ZPBP: variants seen among roughly 807,000 people sequenced by gnomAD.
ZPBP encodes zona pellucida-binding protein 1.
Under a neutral mutation model 44.8 loss-of-function variants are expected in ZPBP, and 26 were observed. The observed-to-expected ratio is 0.58, with a 90% CI of 0.43 to 0.81. The LOEUF is 0.81. Ranked by LOEUF, ZPBP falls within the 30% of genes least tolerant of loss-of-function variation. The pLI, the probability that ZPBP is intolerant of heterozygous loss-of-function variation, is 0.00. For synonymous variants in ZPBP, 174 were observed against 153.2 expected (o/e 1.14, Z -1.00); for missense variants, 409 against 434.0 (o/e 0.94, Z 0.51).
intron 6 of ZPBP, among the ~76,000 whole-genome samples, chr7:49,993,764 T>TA (rs1228996358): frequency 2.0e-5 from 3 of 152,168 alleles, no homozygotes; most frequent in African/African-American, 7.2e-5. Flanking sequence ...GCCACAGTCA[T>TA]ACAAGGCTTA....
chr7:49,892,647 G>A (rs138681239), intron 2 of ZPBP, among the ~76,000 whole-genome samples: 1 of 152,304 alleles, frequency 6.6e-6, no homozygotes, highest in African/African-American at 2.4e-5. Flanking sequence ...CAGCTGGGTG[G>A]GAAGGCCTAT....
At position 49,906,571 on chromosome 7, in the gene ZPBP, C is replaced by T. The variant is rs183954288; in HGVS notation, n.412-5356G>A. On this transcript the variant is annotated intron_variant and non_coding_transcript_variant, in intron 1 of 2. Transcript: ENST00000465922. The stretch of plus-strand genomic sequence containing the variant: ...CAGGATGGTCTTGATCTCCTGACCT[C>T]GTGATCCACCCACCTTGGCCTCACA... Among the ~76,000 whole-genome samples, 578 of 152,292 alleles carry T rather than the reference C, an allele frequency of 3.8e-3. 2 individuals are homozygous for T. The highest frequency in any genetic ancestry group is 6.2e-3 in the Non-Finnish European group (424 of 68,032).
At chr7:50,026,944 T>C (rs1336765761) in intron 5 of ZPBP, among the ~76,000 whole-genome samples, 1 of 151,984 alleles carries the variant, frequency 6.6e-6, no homozygotes, top group Non-Finnish European at 1.5e-5. Context: ...ACAAATTCTT[T>C]GTGTTTTATA....
intron 7 of ZPBP, among the ~76,000 whole-genome samples, chr7:49,954,719 G>A (rs992004354): frequency 2.6e-5 from 4 of 152,110 alleles, no homozygotes; most frequent in African/African-American, 9.7e-5. Context: ...TAGTTACTGA[G>A]TTTCAAATAT....
At chr7:50,089,326 T>C (rs1269374448) in intron 2 of ZPBP, among the ~76,000 whole-genome samples, 1 of 152,120 alleles carries the variant, frequency 6.6e-6, no homozygotes, top group Admixed American at 6.5e-5. Flanking sequence ...TGATTTGTAT[T>C]ACCATATTTG....
At chr7:49,981,363 ATAATTATAT>A in intron 7 of ZPBP, among the ~76,000 whole-genome samples, 1 of 21,400 alleles carries the variant, frequency 4.7e-5, no homozygotes, top group African/African-American at 2.2e-4. Context: ...TATATTATAT[ATAATTATAT>A]ATATTATATA....
chr7:50,078,380 ATAACT>A (rs1802203899), intron 3 of ZPBP, among the ~76,000 whole-genome samples: 1 of 151,626 alleles, frequency 6.6e-6, no homozygotes, highest in Non-Finnish European at 1.5e-5. Flanking sequence ...ATATATTAAA[ATAACT>A]TAAAGAATGT....
At chr7:50,022,657 T>G (rs1172901716) in intron 5 of ZPBP, among the ~76,000 whole-genome samples, 1 of 152,096 alleles carries the variant, frequency 6.6e-6, no homozygotes, top group East Asian at 1.9e-4. Context: ...CTACGGAACT[T>G]GTCAGTTGTC....
intron 1 of ZPBP, among the ~76,000 whole-genome samples, chr7:49,906,550 A>G (rs529423424): frequency 6.6e-6 from 1 of 152,252 alleles, no homozygotes; most frequent in South Asian, 2.1e-4. Flanking sequence ...GTTAGCCAGG[A>G]TGGTCTTGAT....
At chr7:50,008,368 ATACTT>A (rs1798410705) in intron 6 of ZPBP, among the ~76,000 whole-genome samples, 1 of 152,118 alleles carries the variant, frequency 6.6e-6, no homozygotes, top group Non-Finnish European at 1.5e-5. Context: ...TTGCTGAAAA[ATACTT>A]AAAATGATAC....
At chr7:50,025,805 G>T (rs1004159997) in intron 5 of ZPBP, among the ~76,000 whole-genome samples, 2 of 151,688 alleles carry the variant, frequency 1.3e-5, no homozygotes, top group African/African-American at 4.8e-5. Context: ...TCTAAAAATA[G>T]TCAATGTAAA....
intron 7 of ZPBP, among the ~76,000 whole-genome samples, chr7:49,960,686 G>A (rs368556224): frequency 6.6e-6 from 1 of 152,200 alleles, no homozygotes; most frequent in Admixed American, 6.5e-5. Flanking sequence ...AAATGGGAAA[G>A]ATAGTCGAAC....
rs370679624 is a variant in ZPBP at position 49,905,996 on chromosome 7, G to C, written n.412-4781C>G. Among the ~76,000 whole-genome samples, 233 of 151,952 alleles carry C rather than the reference G, an allele frequency of 1.5e-3. 3 individuals carry two copies. Among genetic ancestry groups the C allele is most frequent in the African/African-American group, 5.4e-3 (223 of 41,442 alleles). On this transcript the variant is annotated intron_variant and non_coding_transcript_variant, in intron 1 of 2. Transcript: ENST00000465922. ...AAAGGGGAGGAACCCTCAGTTCTGT[G>C]AATTGCCCACCCTTTCCCAGAAAAC...
rs1798248861 is a variant in ZPBP, at chr7:50,005,134, T to G, written c.783+13106A>C. ...AGATAGTAGGATGATATATTTCAAG[T>G]GCTAAAAAAATTTTAAATGCTGTCA... On this transcript the variant is annotated intron_variant, in intron 6 of 7. Coordinates refer to ENST00000046087, the MANE Select transcript of ZPBP (RefSeq NM_007009.3). 3.3e-5 allele frequency among the ~76,000 whole-genome samples: 5 copies of G among 151,430 alleles called. No individual in the cohort carries two copies. The South Asian group carries it at 6.2e-4, about 19-fold the overall frequency.
At chr7:50,042,384 G>A (rs749164948) in intron 4 of ZPBP, among the ~76,000 whole-genome samples, 4 of 152,084 alleles carry the variant, frequency 2.6e-5, no homozygotes, top group Non-Finnish European at 4.4e-5. Flanking sequence ...CAGACTCACC[G>A]AAGGTTGAAA....
At chr7:50,065,491 T>G (rs1463665143) in intron 3 of ZPBP, among the ~76,000 whole-genome samples, 1 of 151,106 alleles carries the variant, frequency 6.6e-6, no homozygotes, top group Non-Finnish European at 1.5e-5. Context: ...CTACTGCTTC[T>G]GTGAAAGCCT....
At chr7:49,933,421 C>T (rs1385983466), downstream of ZPBP, among the ~76,000 whole-genome samples, 1 of 152,082 alleles carries the variant, frequency 6.6e-6, no homozygotes, top group Non-Finnish European at 1.5e-5. Context: ...TTTGACAGAA[C>T]TAAGAAATAG....
In ZPBP at chr7:50,031,090, A is replaced by T; in HGVS notation, c.706+2T>A. 1 of 1,613,066 alleles carries T rather than the reference A, an allele frequency of 6.2e-7. No individual in the cohort carries two copies. ...CTTTTCTAACAAATTGTATAGACTT[A>T]CCTGAAAATGCAAAGAACAATTCAT... On this transcript the variant is annotated splice_donor_variant, in intron 5 of 7. Coordinates refer to ENST00000046087, the MANE Select transcript of ZPBP (RefSeq NM_007009.3). LOFTEE classifies it high-confidence loss of function.
intron 5 of ZPBP, among the ~76,000 whole-genome samples, chr7:50,028,855 T>C (rs562403285): frequency 5.9e-5 from 9 of 152,236 alleles, no homozygotes; most frequent in African/African-American, 2.2e-4. Flanking sequence ...TCTAAATAAA[T>C]GCAAAGCTAT....
Sources: gnomAD v4.1 joint callset for allele counts (sites outside exome capture counted in the v4.1 genomes callset) on GRCh38, gnomAD v4.1.1 for gene constraint, MANE v1.5 for transcripts, NCBI Gene and HGNC (gene_info 2026-07-23, HGNC 2026-07-21) for gene names.